DICER1: variants seen among roughly 807,000 people sequenced by gnomAD.
DICER1 encodes endoribonuclease Dicer.
In DICER1, 43 loss-of-function variants were observed where a neutral mutation model predicts 194.1. The observed-to-expected ratio is 0.22, with a 90% CI of 0.17 to 0.29. DICER1 has a LOEUF of 0.29. Ranked by LOEUF, DICER1 falls within the 10% of genes least tolerant of loss-of-function variation. DICER1 has a pLI of 1.00. For missense variants in DICER1, 1,608 were observed against 2,317.0 expected (o/e 0.69, Z 6.28); for synonymous variants, 832 against 820.5 (o/e 1.01, Z -0.24).
In DICER1 at chr14:95,096,196, C is replaced by G; in HGVS notation, c.4724G>C (p.Gly1575Ala). The change falls in exon 23 of 27, where the codon GGG (glycine) becomes GCG (alanine). Residue 1575 changes from glycine to alanine, a missense_variant. Gly to Ala is a moderately conservative substitution (Grantham distance 60). Coordinates refer to ENST00000343455, the MANE Select transcript of DICER1 (RefSeq NM_177438.3). The part of the protein sequence containing the change: ...ALLGCYLTSC[G>A]ERAAQLFLCS... Reference sequence around the variant, plus strand: ...GAGGAAAAGCTGAGCAGCCCTCTCCCCACAGCTGGTTAAATAGCAGCCCAG... The same window carrying G: ...GAGGAAAAGCTGAGCAGCCCTCTCCGCACAGCTGGTTAAATAGCAGCCCAG... The G allele has an allele frequency of 1.2e-6, 2 of 1,614,222 alleles. No individual in the cohort carries two copies. Among genetic ancestry groups the G allele is most frequent in the Middle Eastern group, 1.7e-4 (1 of 6,058 alleles).
chr14:95,144,776 A>G (rs1380390911), intron 1 of DICER1, among the ~76,000 whole-genome samples: 2 of 152,152 alleles, frequency 1.3e-5, no homozygotes, highest in Non-Finnish European at 2.9e-5. Flanking sequence ...TTGGTATATT[A>G]TTTTGAGCTG....
At position 95,105,339 on chromosome 14, in the gene DICER1, C is replaced by G; in HGVS notation, c.3094-93G>C. 8.6e-7 allele frequency: 1 copy of G among 1,167,140 alleles called. No individual in the cohort carries two copies. The highest frequency in any genetic ancestry group is 1.3e-6 in the Non-Finnish European group (1 of 787,350). 72.3% of individuals were successfully genotyped at this position (1,167,140 alleles called of 1,614,324 possible). ...AATTTCACTAATGGATAAAGAAAAT[C>G]ATAAATGCTAGTAAAACTTAATTTT... On this transcript the variant is annotated intron_variant, in intron 19 of 26. Coordinates refer to ENST00000343455, the MANE Select transcript of DICER1 (RefSeq NM_177438.3). This position sits in a 1 kb window ranked among gnomAD's most constrained non-coding sequence, Gnocchi z 4.9.
At chr14:95,115,643 C>T (rs1243517285) in intron 11 of DICER1, 24 bp downstream of exon 11, 7 of 1,613,560 alleles carry the variant, frequency 4.3e-6, no homozygotes, top group Non-Finnish European at 5.9e-6. Context: ...CCAGGTTTTC[C>T]ACACAAATGA....
intron 5 of DICER1, 149 bp from the exon 6 acceptor site, chr14:95,129,781 T>TA: frequency 2.4e-6 from 2 of 821,662 alleles, no homozygotes; most frequent in Non-Finnish European, 3.8e-6. Flanking sequence ...AAGGACAACA[T>TA]AAAATTACTC....
intron 5 of DICER1, 132 bp downstream of exon 5, chr14:95,129,922 TATTC>T (rs1186595921): frequency 6.8e-5 from 51 of 745,636 alleles, no homozygotes; most frequent in Non-Finnish European, 1.0e-4. Flanking sequence ...ATTAATTTAA[TATTC>T]ATTCATTCAT....
At chr14:95,157,733 C>G (rs1339057191), upstream of DICER1, 1 of 152,248 alleles carries the variant, frequency 6.6e-6, no homozygotes, top group Non-Finnish European at 1.5e-5. Context: ...GGCGTTGGGC[C>G]GCAGTTGCCC....
intron 1 of DICER1, among the ~76,000 whole-genome samples, chr14:95,151,778 C>T (rs1050204720): frequency 2.6e-5 from 4 of 152,024 alleles, no homozygotes; most frequent in African/African-American, 9.7e-5. Flanking sequence ...GCATAAGAGG[C>T]GGACAGGCTG....
rs1003714112 is a variant in DICER1, at chr14:95,112,235, T to A, written c.2053A>T (p.Ser685Cys). ...LRASIVGPPM[S>C]CVRLAERVVA... ...ACTCTTTCAGCCAATCGTACACAGC[T>A]CATTGGTGGACCCTGAAAATAACAA... Residue 685 changes from serine (S) to cysteine (C), a missense_variant, in exon 13 of 27, where the codon AGC becomes TGC. Physicochemically the swap from Ser to Cys is moderately radical, Grantham distance 112. Transcript: ENST00000343455. 1 of 1,614,002 alleles carries A rather than the reference T, an allele frequency of 6.2e-7. No homozygotes were observed. Among genetic ancestry groups the A allele is most frequent in the South Asian group, 1.1e-5 (1 of 91,072 alleles).
rs200095508 is a variant in DICER1 at position 95,090,478 on chromosome 14, T to C, written c.*20A>G. ...AATTTTTTTTGTTTTGTTTCTTGTT[T>C]TGAATTTTAAAAAGCGGTTTCAGCT... On this transcript the variant is annotated 3_prime_UTR_variant, in exon 27 of 27. Transcript: ENST00000343455. 163 of 1,612,842 alleles carry C rather than the reference T, an allele frequency of 1.0e-4. No homozygotes were observed. Among genetic ancestry groups the C allele is most frequent in the Non-Finnish European group, 1.2e-4 (140 of 1,179,884 alleles).
Position 95,124,086 on chromosome 14 carries a change from G to T in DICER1, c.1376+110C>A. 1.3e-6 allele frequency: 1 copy of T among 790,580 alleles called. No homozygotes were observed. The highest frequency in any genetic ancestry group is 2.1e-6 in the Non-Finnish European group (1 of 468,744). The allele number at this position is 790,580 out of a possible 1,614,324, so 49.0% of individuals were successfully genotyped here. A position where few individuals can be genotyped will look rare whatever the true frequency, so the allele number is the denominator to read the frequency against. On this transcript the variant is annotated intron_variant, in intron 8 of 26. Coordinates refer to ENST00000343455, the MANE Select transcript of DICER1 (RefSeq NM_177438.3). The surrounding 1 kb of genome is among the most constrained non-coding windows in gnomAD (Gnocchi z 4.5). ...ATCAGCAATGATGGCGCCAAGTCAA[G>T]GACACTTACATAACCCTCATGCTAG...
intron 1 of DICER1, among the ~76,000 whole-genome samples, chr14:95,137,645 A>G (rs1346606669): frequency 6.6e-6 from 1 of 152,170 alleles, no homozygotes; most frequent in Non-Finnish European, 1.5e-5. Context: ...TGAGATAATG[A>G]ACAAGTACTG....
intron 6 of DICER1, among the ~76,000 whole-genome samples, chr14:95,128,202 A>C (rs1566808984): frequency 6.6e-6 from 1 of 152,230 alleles, no homozygotes; most frequent in Non-Finnish European, 1.5e-5. Context: ...AAAAACATAT[A>C]TACTATAGTT....
rs763715930 is a variant in DICER1 at position 95,105,695 on chromosome 14, T to C, written c.3076A>G (p.Ser1026Gly). ...CTCATTACCTGTTTATTCTGCAGAC[T>C]TTCCCATTTGGCTTTCCTCTTCTCA... ...SAEKRKAKWE[S>G]LQNKQILVPE... Residue 1026 changes from serine to glycine, a missense_variant, in exon 19 of 27, where the codon AGT (serine) becomes GGT (glycine). By Grantham distance (56) the Ser-to-Gly change is moderately conservative. Around this residue, in one of 10 missense-constraint regions of DICER1, gnomAD observed 79 missense variants for 176.1 expected, o/e 0.45. Transcript: ENST00000343455. The surrounding 1 kb of genome is among the most constrained non-coding windows in gnomAD (Gnocchi z 4.9). 1.2e-6 allele frequency: 2 copies of C among 1,612,888 alleles called. No homozygotes were observed. Among genetic ancestry groups the C allele is most frequent in the Non-Finnish European group, 1.7e-6 (2 of 1,178,822 alleles).
At chr14:95,153,024 G>A (rs1458491400) in intron 1 of DICER1, among the ~76,000 whole-genome samples, 2 of 152,020 alleles carry the variant, frequency 1.3e-5, no homozygotes, top group Non-Finnish European at 2.9e-5. Flanking sequence ...AGACCATCCT[G>A]GCTAAACACG....
Position 95,105,801 on chromosome 14 carries a change from C to G in DICER1, c.2988-18G>C. ...GATTAAGTCTGTAAGAATTCCAAAA[C>G]AATTTTATCAAACACACAAAAATGA... On this transcript the variant is annotated intron_variant, in intron 18 of 26. Transcript: ENST00000343455. The surrounding 1 kb of genome is among the most constrained non-coding windows in gnomAD (Gnocchi z 4.9). 6.3e-7 allele frequency: 1 copy of G among 1,597,868 alleles called. No homozygotes were observed. The highest frequency in any genetic ancestry group is 8.6e-7 in the Non-Finnish European group (1 of 1,165,374).
At chr14:95,095,711 G>A (rs1890242344) in intron 23 of DICER1, 114 bp downstream of exon 23, 1 of 1,139,070 alleles carries the variant, frequency 8.8e-7, no homozygotes, top group Non-Finnish European at 1.3e-6. Context: ...CCCATCCCTT[G>A]AATATTAAGC....
intron 21 of DICER1, 88 bp from the exon 22 acceptor site, chr14:95,100,023 T>C: frequency 2.1e-6 from 3 of 1,423,346 alleles, no homozygotes; most frequent in Non-Finnish European, 2.9e-6. Flanking sequence ...CAGTTAAATG[T>C]TCTTAAAATT....
chr14:95,103,222 G>A, intron 21 of DICER1, 124 bp downstream of exon 21: 1 of 1,085,374 alleles, frequency 9.2e-7, no homozygotes, highest in Non-Finnish European at 1.4e-6. Flanking sequence ...GAGCAGCTGT[G>A]CTTGGCCGGT....
chr14:95,117,491 TGAA>T (rs1208234846), intron 9 of DICER1, 128 bp downstream of exon 9: 8 of 963,164 alleles, frequency 8.3e-6, no homozygotes, highest in African/African-American at 6.6e-5. Flanking sequence ...GTCTAATATA[TGAA>T]GAAGTATTCT....
Sources: allele counts gnomAD v4.1 joint callset (sites outside exome capture counted in the v4.1 genomes callset), GRCh38; gene constraint gnomAD v4.1.1; regional missense constraint gnomAD v4.1.1; non-coding constraint Gnocchi (gnomAD v3.1); transcripts MANE v1.5; gene names NCBI Gene and HGNC (gene_info 2026-07-23, HGNC 2026-07-21).